Variants in RPS6KA2 observed in about 807,000 individuals in gnomAD.
RPS6KA2 encodes ribosomal protein S6 kinase A2.
RPS6KA2 carries 42 observed loss-of-function variants against 91.8 expected under a neutral mutation model. The observed-to-expected ratio is 0.46, with a 90% CI of 0.36 to 0.59. The LOEUF (loss-of-function observed/expected upper bound fraction) is 0.59, where lower values mean the gene tolerates loss of function less well. Ranked by LOEUF, RPS6KA2 falls within the 20% of genes least tolerant of loss-of-function variation. The probability of loss-of-function intolerance (pLI) is 0.00; values close to 1 mark genes in which losing one functional copy is unlikely to be tolerated. For synonymous variants in RPS6KA2, 414 were observed against 393.6 expected (o/e 1.05, Z -0.61); for missense variants, 798 against 978.5 (o/e 0.82, Z 2.46).
At chr6:166,605,233 C>T (rs10946177) in intron 1 of RPS6KA2, among the ~76,000 whole-genome samples, 44,163 of 152,176 alleles carry the variant, frequency 0.29, 6,896 homozygotes, top group East Asian at 0.42. Context: ...CATTCTACCC[C>T]TCTAAAGCCA....
At chr6:166,421,214 G>A (rs1778707350) in intron 17 of RPS6KA2, among the ~76,000 whole-genome samples, 1 of 152,162 alleles carries the variant, frequency 6.6e-6, no homozygotes, top group Non-Finnish European at 1.5e-5. Context: ...TACTTTGTAT[G>A]GTGGATGAGA....
intron 2 of RPS6KA2, among the ~76,000 whole-genome samples, chr6:166,660,744 CT>C (rs1215082297): frequency 6.6e-6 from 1 of 152,186 alleles, no homozygotes; most frequent in Non-Finnish European, 1.5e-5. Context: ...TCCCTTAGTG[CT>C]GTCTAGCAGG....
At chr6:166,620,915 GT>G (rs1331075701) in intron 1 of RPS6KA2, among the ~76,000 whole-genome samples, 1 of 152,226 alleles carries the variant, frequency 6.6e-6, no homozygotes, top group Non-Finnish European at 1.5e-5. Flanking sequence ...AGCCGGCAAG[GT>G]CAGGCACTTC....
intron 1 of RPS6KA2, among the ~76,000 whole-genome samples, chr6:166,585,865 A>G (rs1785154666): frequency 3.9e-5 from 1 of 25,968 alleles, no homozygotes; most frequent in African/African-American, 3.6e-4. Context: ...TAATATACCA[A>G]ACTTAAAGCA....
chr6:166,545,944 C>T (rs1783812175), intron 1 of RPS6KA2, among the ~76,000 whole-genome samples: 1 of 152,166 alleles, frequency 6.6e-6, no homozygotes, highest in African/African-American at 2.4e-5. Flanking sequence ...CATGGGCTCC[C>T]AGTCCTGACA....
chr6:166,492,855 A>C (rs913515843), intron 8 of RPS6KA2, among the ~76,000 whole-genome samples: 9 of 147,294 alleles, frequency 6.1e-5, no homozygotes, highest in African/African-American at 1.8e-4. Flanking sequence ...AGCTGGGACT[A>C]CAGGCGTGAG....
intron 16 of RPS6KA2, among the ~76,000 whole-genome samples, chr6:166,427,111 G>T (rs1182997754): frequency 6.6e-6 from 1 of 152,210 alleles, no homozygotes; most frequent in African/African-American, 2.4e-5. Flanking sequence ...CCATGATCAA[G>T]TGGGCTTCAT....
intron 1 of RPS6KA2, among the ~76,000 whole-genome samples, chr6:166,592,410 T>C (rs1362255147): frequency 6.6e-6 from 1 of 152,178 alleles, no homozygotes; most frequent in Non-Finnish European, 1.5e-5. Context: ...ATCTATGGGC[T>C]AGGCAGAATC....
upstream of RPS6KA2, among the ~76,000 whole-genome samples, chr6:166,629,412 A>G (rs1345411947): frequency 1.3e-5 from 2 of 152,254 alleles, no homozygotes; most frequent in African/African-American, 4.8e-5. Context: ...TGAAGGCAAC[A>G]AAACTGTTCT....
chr6:166,501,958 C>A lies in RPS6KA2; in HGVS notation c.567-1034G>T, dbSNP rs1057491105. 2.0e-5 allele frequency among the ~76,000 whole-genome samples: 3 copies of A among 152,124 alleles called. No homozygotes were observed. The East Asian group carries it at 5.8e-4, about 29-fold the overall frequency. Reference sequence around the variant, plus strand: ...GACATTATGCTCGATTAAATAAGCCCGTCCCCAAACGACAGGTATTATATG... The same window carrying A: ...GACATTATGCTCGATTAAATAAGCCAGTCCCCAAACGACAGGTATTATATG... On this transcript the variant is annotated intron_variant, in intron 6 of 20. Transcript: ENST00000265678.
chr6:166,687,727 G>T (rs78964940), intron 2 of RPS6KA2, among the ~76,000 whole-genome samples: 7,545 of 152,340 alleles, frequency 0.05, 290 homozygotes, highest in Non-Finnish European at 0.073. Flanking sequence ...ACAAATTTAA[G>T]TTGGGCACGT....
At position 166,733,058 on chromosome 6, in the gene RPS6KA2, C is replaced by A. The variant is rs1790576172; in HGVS notation, c.123+125142G>T. Among the ~76,000 whole-genome samples the A allele has an allele frequency of 6.6e-6, 1 of 152,138 alleles. No individual in the cohort carries two copies. On this transcript the variant is annotated intron_variant, in intron 2 of 21. Transcript: ENST00000503859. The surrounding 1 kb of genome is among the most constrained non-coding windows in gnomAD (Gnocchi z 4.1). ...AGGTTTGGGACCCTCTTTGCAGAAG[C>A]TTTCACGAGCCTAAGGGTGAGATGC...
At chr6:166,824,979 G>A (rs1780017029) in intron 2 of RPS6KA2, among the ~76,000 whole-genome samples, 1 of 152,208 alleles carries the variant, frequency 6.6e-6, no homozygotes, top group Admixed American at 6.5e-5. Flanking sequence ...CACCCTGTCC[G>A]GGGTGCTAAC....
chr6:166,565,225 G>A (rs544598902), intron 1 of RPS6KA2, among the ~76,000 whole-genome samples: 2 of 152,314 alleles, frequency 1.3e-5, no homozygotes, highest in African/African-American at 4.8e-5. Flanking sequence ...TTAAGTCACC[G>A]CCAATTCCAA....
intron 14 of RPS6KA2, among the ~76,000 whole-genome samples, chr6:166,442,344 G>T (rs1220790607): frequency 6.6e-6 from 1 of 152,230 alleles, no homozygotes; most frequent in East Asian, 1.9e-4. Flanking sequence ...CTGGACAGGG[G>T]TCGAGAGTGT....
chr6:166,595,166 T>A (rs1304768812), intron 1 of RPS6KA2, among the ~76,000 whole-genome samples: 1 of 152,042 alleles, frequency 6.6e-6, no homozygotes, highest in African/African-American at 2.4e-5. Flanking sequence ...ATTTTCATGT[T>A]TCAGCCTCCT....
At position 166,419,196 on chromosome 6, in the gene RPS6KA2, A is replaced by G. The variant is rs1158881639; in HGVS notation, c.1820+686T>C. Among the ~76,000 whole-genome samples the G allele has an allele frequency of 2.0e-5, 3 of 152,242 alleles. No individual in the cohort carries two copies. Among genetic ancestry groups the G allele is most frequent in the African/African-American group, 7.2e-5 (3 of 41,460 alleles). ...TACAGCAAACAGGATTCGATGGTCT[A>G]GGGTTCTTTTCTTTTTGCCTCCATT... On this transcript the variant is annotated intron_variant, in intron 18 of 20. Transcript: ENST00000265678. The surrounding 1 kb of genome is among the most constrained non-coding windows in gnomAD (Gnocchi z 5.6).
chr6:166,838,025 C>T (rs2128628780), intron 2 of RPS6KA2, among the ~76,000 whole-genome samples: 1 of 152,372 alleles, frequency 6.6e-6, no homozygotes, highest in Non-Finnish European at 1.5e-5. Context: ...GCAACGCAGG[C>T]TCTGCATGAG....
intron 1 of RPS6KA2, among the ~76,000 whole-genome samples, chr6:166,597,790 G>A (rs189135700): frequency 7.2e-4 from 109 of 152,178 alleles, no homozygotes; most frequent in Non-Finnish European, 1.4e-3. Flanking sequence ...CGGCATCATC[G>A]AGAAGAGAAT....
Sources: allele counts gnomAD v4.1 joint callset (sites outside exome capture counted in the v4.1 genomes callset), GRCh38; gene constraint gnomAD v4.1.1; non-coding constraint Gnocchi (gnomAD v3.1); transcripts MANE v1.5; gene names NCBI Gene and HGNC (gene_info 2026-07-23, HGNC 2026-07-21).